SPECC1L: variants seen among roughly 807,000 people sequenced by gnomAD.
SPECC1L encodes the protein sperm antigen with calponin homology and coiled-coil domains 1 like, also known as cytospin-A.
In SPECC1L, 40 loss-of-function variants were observed where a neutral mutation model predicts 116.8. The observed-to-expected ratio is 0.34, with a 90% CI of 0.27 to 0.45. The LOEUF (loss-of-function observed/expected upper bound fraction) is 0.45, where lower values mean the gene tolerates loss of function less well. Among genes scored for constraint, SPECC1L ranks in the 20% least tolerant of loss-of-function variants. SPECC1L has a pLI of 1.00. For synonymous variants in SPECC1L, 504 were observed against 500.6 expected (o/e 1.01, Z -0.09); for missense variants, 1,110 against 1,373.6 (o/e 0.81, Z 3.03).
At chr22:24,383,791 T>A (rs1479316020) in intron 14 of SPECC1L, among the ~76,000 whole-genome samples, 1 of 95,662 alleles carries the variant, frequency 1.0e-5, no homozygotes, top group Non-Finnish European at 2.0e-5. Flanking sequence ...CACCCACCAC[T>A]ATTTTTTTTT....
chr22:24,388,405 G>A (rs939655554), intron 14 of SPECC1L, among the ~76,000 whole-genome samples: 1 of 151,524 alleles, frequency 6.6e-6, no homozygotes, highest in Non-Finnish European at 1.5e-5. Context: ...TCCCTACAAA[G>A]GACATGAACT....
chr22:24,342,843 C>T (rs1253467809), intron 10 of SPECC1L, among the ~76,000 whole-genome samples: 1 of 151,884 alleles, frequency 6.6e-6, no homozygotes, highest in African/African-American at 2.4e-5. Context: ...GAAATTGGAG[C>T]CCAAGAAAAA....
intron 10 of SPECC1L, among the ~76,000 whole-genome samples, chr22:24,345,717 C>T (rs2041277974): frequency 6.6e-6 from 1 of 152,184 alleles, no homozygotes; most frequent in African/African-American, 2.4e-5. Flanking sequence ...AGATCCTATT[C>T]TATATTCTTC....
rs552028548 is a variant in SPECC1L at position 24,417,084 on chromosome 22, A to G, written c.*2461A>G. The G allele has an allele frequency of 9.2e-5, 14 of 152,638 alleles. No individual in the cohort carries two copies. The highest frequency in any genetic ancestry group is 3.4e-4 in the African/African-American group (14 of 41,580). 9.5% of individuals were successfully genotyped at this position (152,638 alleles called of 1,614,324 possible). On this transcript the variant is annotated 3_prime_UTR_variant, in exon 17 of 17. Coordinates refer to ENST00000314328, the MANE Select transcript of SPECC1L (RefSeq NM_015330.6). The stretch of plus-strand genomic sequence containing the variant: ...TCTCAGTCCTGTGGCATCTGGCACG[A>G]AGTCTCCAAGAAGCCACTTTGCCTC...
chr22:24,271,055 GC>G (rs1293237196), intron 1 of SPECC1L, 72 bp downstream of exon 1: 2 of 152,484 alleles, frequency 1.3e-5, no homozygotes, highest in Non-Finnish European at 2.9e-5. Context: ...CGCCCGCGCT[GC>G]CGCGCCCGGG....
intron 14 of SPECC1L, among the ~76,000 whole-genome samples, chr22:24,401,544 G>C (rs571648341): frequency 6.6e-6 from 1 of 152,176 alleles, no homozygotes; most frequent in Non-Finnish European, 1.5e-5. Context: ...CCCTTTGTCA[G>C]CTGTTCAGCT....
chr22:24,387,124 C>T (rs1427301427), intron 14 of SPECC1L, among the ~76,000 whole-genome samples: 3 of 152,120 alleles, frequency 2.0e-5, no homozygotes, highest in African/African-American at 4.8e-5. Flanking sequence ...GTTGAATAGT[C>T]TCCATAAGAA....
At chr22:24,367,568 C>A (rs923513419) in intron 13 of SPECC1L, among the ~76,000 whole-genome samples, 2 of 152,048 alleles carry the variant, frequency 1.3e-5, no homozygotes, top group Non-Finnish European at 2.9e-5. Context: ...TAAAGCAAAG[C>A]AGGAATGTTA....
In SPECC1L at chr22:24,347,740, A is replaced by G. The variant is rs561947436; in HGVS notation, c.2743+564A>G. ...TCCCAGGCTGGAGTGTAGTGGCACA[A>G]TCTTGGCTCACTGCAACCTCTGCCT... On this transcript the variant is annotated intron_variant, in intron 11 of 16. Transcript: ENST00000314328. Among the ~76,000 whole-genome samples the G allele has an allele frequency of 3.8e-4, 58 of 152,126 alleles. 3 individuals carry two copies. In the South Asian group the frequency reaches 0.012, roughly 31 times the overall value.
At chr22:24,317,536 C>T (rs1371166115) in intron 4 of SPECC1L, among the ~76,000 whole-genome samples, 5 of 135,970 alleles carry the variant, frequency 3.7e-5, no homozygotes, top group Non-Finnish European at 8.2e-5. Flanking sequence ...CAGAGGGGCT[C>T]CTCACTTCCC....
chr22:24,389,977 G>T (rs921932670), intron 14 of SPECC1L, among the ~76,000 whole-genome samples: 1 of 151,874 alleles, frequency 6.6e-6, no homozygotes, highest in Non-Finnish European at 1.5e-5. Context: ...AAGAGATTGG[G>T]CCCAAAAGCA....
intron 14 of SPECC1L, among the ~76,000 whole-genome samples, chr22:24,409,442 C>G (rs1354819636): frequency 6.6e-6 from 1 of 151,282 alleles, no homozygotes; most frequent in South Asian, 2.1e-4. Flanking sequence ...AGGACTGTTG[C>G]AAATAAGGGT....
intron 15 of SPECC1L, 160 bp from the exon 16 acceptor site, chr22:24,412,488 G>C: frequency 2.8e-6 from 2 of 718,770 alleles, no homozygotes; most frequent in Admixed American, 4.0e-5. Flanking sequence ...AGGGTACTTG[G>C]TGCAGATGCA....
intron 13 of SPECC1L, among the ~76,000 whole-genome samples, chr22:24,366,387 G>A (rs896003557): frequency 6.6e-6 from 1 of 152,082 alleles, no homozygotes; most frequent in Non-Finnish European, 1.5e-5. Context: ...TAGAGATGGG[G>A]TTTCACCGTG....
At chr22:24,385,643 A>G (rs1304487576) in intron 14 of SPECC1L, among the ~76,000 whole-genome samples, 3 of 152,342 alleles carry the variant, frequency 2.0e-5, no homozygotes, top group East Asian at 3.9e-4. Context: ...ACAATAGCCA[A>G]GGCACTCTTA....
At chr22:24,279,247 G>C (rs778488752) in intron 2 of SPECC1L, among the ~76,000 whole-genome samples, 1 of 152,214 alleles carries the variant, frequency 6.6e-6, no homozygotes, top group Admixed American at 6.5e-5. Flanking sequence ...AAACCTGGAA[G>C]AAAAGGATAT....
intron 1 of SPECC1L, among the ~76,000 whole-genome samples, chr22:24,272,029 G>C (rs1047809130): frequency 2.6e-5 from 4 of 152,196 alleles, no homozygotes; most frequent in Non-Finnish European, 4.4e-5. Flanking sequence ...AGTGGAGGGG[G>C]ACTGCAATTT....
At position 24,302,193 on chromosome 22, in the gene SPECC1L, A is replaced by G; in HGVS notation, c.-37-2A>G. Reference sequence around the variant, plus strand: ...CAGTGTAATGCCATTTTTTTCCCACAGATTTGCTTGTAAATGCATCACGAA... The same window carrying G: ...CAGTGTAATGCCATTTTTTTCCCACGGATTTGCTTGTAAATGCATCACGAA... On this transcript the variant is annotated splice_acceptor_variant, in intron 2 of 16. Coordinates refer to ENST00000314328, the MANE Select transcript of SPECC1L (RefSeq NM_015330.6). LOFTEE classifies it low-confidence loss of function (5UTR_SPLICE). 6.2e-7 allele frequency: 1 copy of G among 1,612,390 alleles called. No individual in the cohort carries two copies. Among genetic ancestry groups the G allele is most frequent in the Non-Finnish European group, 8.5e-7 (1 of 1,178,878 alleles).
At chr22:24,292,137 T>G (rs2049167105) in intron 2 of SPECC1L, among the ~76,000 whole-genome samples, 1 of 152,206 alleles carries the variant, frequency 6.6e-6, no homozygotes. Flanking sequence ...AAGGTGCTTC[T>G]CAGCCAGGGA....
Sources: gnomAD v4.1 joint callset for allele counts (sites outside exome capture counted in the v4.1 genomes callset) on GRCh38, gnomAD v4.1.1 for gene constraint, MANE v1.5 for transcripts, NCBI Gene and HGNC (gene_info 2026-07-23, HGNC 2026-07-21) for gene names.